The following PTPRB variants were observed in gnomAD, a reference collection of about 807,000 sequenced individuals.
PTPRB encodes receptor-type tyrosine-protein phosphatase beta.
In PTPRB, 97 loss-of-function variants were observed where a neutral mutation model predicts 238.1. The ratio of observed to expected loss-of-function variants is 0.41; its 90% CI spans 0.35 to 0.48. The LOEUF (loss-of-function observed/expected upper bound fraction) is 0.48. Ranked by LOEUF, PTPRB falls within the 20% of genes least tolerant of loss-of-function variation. PTPRB has a pLI of 0.30. For missense variants in PTPRB, 2,292 were observed against 2,681.9 expected, an observed-to-expected ratio of 0.85 and a Z score of 3.21; for synonymous variants, 970 against 995.4, an observed-to-expected ratio of 0.97 and a Z score of 0.48.
At chr12:70,596,935 A>G (rs1192933740) in intron 4 of PTPRB, among the ~76,000 whole-genome samples, 1 of 138,240 alleles carries the variant, frequency 7.2e-6, no homozygotes, top group African/African-American at 2.6e-5. Context: ...TTTTTTTTTT[A>G]AGATGGAGTC....
rs573129079 is a variant in PTPRB at position 70,516,425 on chromosome 12, T to G, written c.*5064A>C. On this transcript the variant is annotated 3_prime_UTR_variant, in exon 34 of 34. Transcript: ENST00000334414. ...CTGCATAGAAAACCAGAAATACTCT[T>G]CCAGTAGAGCACTGGTGCACCCTCT... 2.6e-5 allele frequency: 4 copies of G among 152,280 alleles called. No homozygotes were observed. The South Asian group carries it at 8.3e-4, about 32-fold the overall frequency. 9.4% of individuals were successfully genotyped at this position (152,280 alleles called of 1,614,324 possible). A position where few individuals can be genotyped will look rare whatever the true frequency, so the allele number is the denominator to read the frequency against.
At chr12:70,575,152 C>T (rs1022213745) in intron 11 of PTPRB, among the ~76,000 whole-genome samples, 11 of 152,134 alleles carry the variant, frequency 7.2e-5, no homozygotes, top group African/African-American at 2.2e-4. Context: ...CTAGTGCTCT[C>T]GGATACAGCA....
At chr12:70,555,030 G>T in intron 20 of PTPRB, 130 bp downstream of exon 20, 1 of 1,028,050 alleles carries the variant, frequency 9.7e-7, no homozygotes, top group East Asian at 2.5e-5. Context: ...CCAGCAGAGA[G>T]AGGGGTGAAT....
At chr12:70,624,171 G>A (rs185551115) in intron 2 of PTPRB, among the ~76,000 whole-genome samples, 1 of 152,136 alleles carries the variant, frequency 6.6e-6, no homozygotes, top group East Asian at 1.9e-4. Context: ...CCAATTTTTA[G>A]TATAATTCAG....
At position 70,560,765 on chromosome 12, in the gene PTPRB, C is replaced by T; in HGVS notation, c.4338G>A (p.Arg1446=). ...TCCTTCCAGGAACAAGGCCTTGAAA[C>T]CGCCACTCCGTCAGGTCCTTGTCTT... ...NWKDKDLTEW[R]FQGLVPGRKY... is the part of the protein sequence containing the mutation. Residue 1446 remains arginine (R), a synonymous_variant, in exon 17 of 34, where the codon CGG becomes CGA. Coordinates refer to ENST00000334414, the MANE Select transcript of PTPRB (RefSeq NM_001109754.4). The surrounding 1 kb of genome is among the most constrained non-coding windows in gnomAD (Gnocchi z 4.2). 5 of 1,613,978 alleles carry T rather than the reference C, an allele frequency of 3.1e-6. No homozygotes were observed. Among genetic ancestry groups the T allele is most frequent in the Non-Finnish European group, 4.2e-6 (5 of 1,179,884 alleles).
intron 9 of PTPRB, among the ~76,000 whole-genome samples, chr12:70,582,330 C>A (rs1011750329): frequency 6.6e-6 from 1 of 152,002 alleles, no homozygotes; most frequent in Non-Finnish European, 1.5e-5. Context: ...AATTATAATT[C>A]TAAATTTTAT....
At chr12:70,587,530 T>C (rs555293160) in intron 8 of PTPRB, among the ~76,000 whole-genome samples, 2 of 152,332 alleles carry the variant, frequency 1.3e-5, no homozygotes, top group South Asian at 4.1e-4. Flanking sequence ...TATCTTTTTG[T>C]ATGAATTCTG....
intron 4 of PTPRB, among the ~76,000 whole-genome samples, chr12:70,600,450 A>C (rs1307715166): frequency 6.6e-6 from 1 of 152,214 alleles, no homozygotes; most frequent in East Asian, 1.9e-4. Flanking sequence ...AATGACAAAA[A>C]ATAAAAATAG....
At chr12:70,607,369 T>G (rs1884032832) in intron 4 of PTPRB, among the ~76,000 whole-genome samples, 1 of 152,190 alleles carries the variant, frequency 6.6e-6, no homozygotes, top group Non-Finnish European at 1.5e-5. Context: ...AGTTCTATGT[T>G]ATGTATTTCA....
chr12:70,576,454 G>A lies in PTPRB; in HGVS notation c.2770C>T (p.Arg924Cys), dbSNP rs1880702770. 1 of 1,602,970 alleles carries A rather than the reference G, an allele frequency of 6.2e-7. No individual in the cohort carries two copies. The highest frequency in any genetic ancestry group is 8.5e-7 in the Non-Finnish European group (1 of 1,174,472). Residue 924 changes from arginine to cysteine, a missense_variant, in exon 11 of 34, where the codon CGC (arginine) becomes TGC (cysteine). This residue lies in a region of PTPRB where 1,205 missense variants were observed against 1,287.8 expected (regional missense o/e 0.94). Transcript: ENST00000334414. ...ECSFSSLTPG[R>C]LYTVTITTRS... Reference sequence around the variant, plus strand: ...GTAGTTATGGTCACGGTGTAGAGGCGGCCTGGGGTGAGGGAGCTGAAGGAA... The same window carrying A: ...GTAGTTATGGTCACGGTGTAGAGGCAGCCTGGGGTGAGGGAGCTGAAGGAA...
intron 5 of PTPRB, 149 bp downstream of exon 5, chr12:70,595,900 T>A: frequency 1.3e-6 from 1 of 755,292 alleles, no homozygotes; most frequent in Non-Finnish European, 2.0e-6. Flanking sequence ...GTCTGTCCAC[T>A]GTATCCCACA....
Position 70,596,385 on chromosome 12 carries a change from A to G in PTPRB, c.980-58T>C, listed in dbSNP as rs563113345. 3.8e-5 allele frequency: 51 copies of G among 1,328,128 alleles called. 1 individual carries two copies. The South Asian group carries it at 1.0e-3, about 27-fold the overall frequency. 82.3% of individuals were successfully genotyped at this position (1,328,128 alleles called of 1,614,324 possible). The stretch of plus-strand genomic sequence containing the variant: ...AAAAAAAGAAAGAAAAAGAAAAAAA[A>G]AGAACATGGCTTGAAGACTTTTGCA... On this transcript the variant is annotated intron_variant, in intron 4 of 33. Coordinates refer to ENST00000334414, the MANE Select transcript of PTPRB (RefSeq NM_001109754.4).
At chr12:70,591,319 C>G (rs560574814) in intron 7 of PTPRB, among the ~76,000 whole-genome samples, 2 of 152,172 alleles carry the variant, frequency 1.3e-5, no homozygotes, top group Non-Finnish European at 2.9e-5. Flanking sequence ...CTTCAGATCT[C>G]TAATAGCAGA....
At chr12:70,590,554 C>T (rs1011835395) in intron 7 of PTPRB, among the ~76,000 whole-genome samples, 6 of 148,162 alleles carry the variant, frequency 4.0e-5, no homozygotes, top group Non-Finnish European at 8.9e-5. Flanking sequence ...CTTTCTTTTC[C>T]AACTAAAAAG....
Position 70,587,001 on chromosome 12 carries a change from T to G in PTPRB, c.2311+6A>C. The G allele has an allele frequency of 1.2e-6, 2 of 1,610,088 alleles. No homozygotes were observed. Among genetic ancestry groups the G allele is most frequent in the Non-Finnish European group, 1.7e-6 (2 of 1,177,018 alleles). On this transcript the variant is annotated splice_donor_region_variant and intron_variant, in intron 9 of 33. Transcript: ENST00000334414. ...TTTAAAATGTAAAATTTATAAAGGTTACTACCTGTTCTTCCTTTTACTGAA... is the reference window on the plus strand; with the variant it reads ...TTTAAAATGTAAAATTTATAAAGGTGACTACCTGTTCTTCCTTTTACTGAA...
intron 4 of PTPRB, among the ~76,000 whole-genome samples, chr12:70,605,174 C>T (rs1010348698): frequency 2.6e-5 from 4 of 152,256 alleles, no homozygotes; most frequent in African/African-American, 9.6e-5. Context: ...AGGGAAAATG[C>T]TTTTAAAATA....
chr12:70,540,396 C>T (rs555777415), intron 23 of PTPRB: 21 of 206,754 alleles, frequency 1.0e-4, no homozygotes, highest in African/African-American at 4.4e-4. Context: ...GAAGAAGGCA[C>T]GACACTTGGG....
chr12:70,609,915 C>G, intron 3 of PTPRB: 1 of 1,101,558 alleles, frequency 9.1e-7, no homozygotes, highest in Non-Finnish European at 1.2e-6. Context: ...CTCAGCGCGC[C>G]CCGTGGGCGC....
intron 16 of PTPRB, 49 bp downstream of exon 16, chr12:70,562,795 A>G: frequency 1.0e-5 from 16 of 1,587,488 alleles, no homozygotes; most frequent in Non-Finnish European, 1.3e-5. Context: ...GCCAGTGAAT[A>G]CCGGGACAAT....
Sources: allele counts gnomAD v4.1 joint callset (sites outside exome capture counted in the v4.1 genomes callset), GRCh38; gene constraint gnomAD v4.1.1; regional missense constraint gnomAD v4.1.1; non-coding constraint Gnocchi (gnomAD v3.1); transcripts MANE v1.5; gene names NCBI Gene and HGNC (gene_info 2026-07-23, HGNC 2026-07-21).